Variants in LRRTM3 observed in about 807,000 individuals in gnomAD.
LRRTM3 encodes the protein leucine rich repeat transmembrane neuronal 3, also known as leucine-rich repeat transmembrane neuronal protein 3.
In LRRTM3, 24 loss-of-function variants were observed where a neutral mutation model predicts 44.7. The observed-to-expected ratio is 0.54, with a 90% CI of 0.39 to 0.76. The LOEUF (loss-of-function observed/expected upper bound fraction) is 0.76. Ranked by LOEUF, LRRTM3 falls within the 30% of genes least tolerant of loss-of-function variation. The pLI is 0.00. For missense variants in LRRTM3, 587 were observed against 702.2 expected (o/e 0.84, Z 1.85); for synonymous variants, 277 against 278.7 (o/e 0.99, Z 0.06).
chr10:67,071,984 C>G (rs1158571869), intron 2 of LRRTM3, among the ~76,000 whole-genome samples: 1 of 152,144 alleles, frequency 6.6e-6, no homozygotes, highest in Admixed American at 6.6e-5. Flanking sequence ...GACACAGTCT[C>G]ATTCTGTTGC....
intron 2 of LRRTM3, among the ~76,000 whole-genome samples, chr10:66,944,704 A>G (rs751177779): frequency 3.3e-5 from 5 of 152,238 alleles, no homozygotes; most frequent in Non-Finnish European, 7.3e-5. Context: ...AGACAGCAAG[A>G]GACTTATAAA....
chr10:67,060,666 G>GTCTC (rs141445121), intron 2 of LRRTM3, among the ~76,000 whole-genome samples: 4 of 150,408 alleles, frequency 2.7e-5, no homozygotes, highest in African/African-American at 7.3e-5. Flanking sequence ...ATGGGTTCCT[G>GTCTC]TCTCTCTCTC....
At position 67,090,828 on chromosome 10, in the gene LRRTM3, T is replaced by G. The variant is rs553684293; in HGVS notation, c.1537-6759T>G. 6.6e-5 allele frequency among the ~76,000 whole-genome samples: 10 copies of G among 152,036 alleles called. No homozygotes were observed. In the South Asian group the frequency reaches 2.1e-3, roughly 32 times the overall value. On this transcript the variant is annotated intron_variant, in intron 2 of 2. Transcript: ENST00000361320. ...TGCAGAAATCCTAAAGAAACTAAGG[T>G]AGAACCTGCGGTAACATCTAGGCCG...
chr10:67,053,799 A>T (rs1855262739), intron 2 of LRRTM3, among the ~76,000 whole-genome samples: 1 of 152,206 alleles, frequency 6.6e-6, no homozygotes, highest in Admixed American at 6.5e-5. Flanking sequence ...TCATTTTCCC[A>T]TTGAGATTAA....
chr10:66,953,862 C>A (rs74423589), intron 2 of LRRTM3, among the ~76,000 whole-genome samples: 2,895 of 152,164 alleles, frequency 0.019, 83 homozygotes, highest in African/African-American at 0.066. Flanking sequence ...ACCAGAAGAG[C>A]TATGTGACCT....
rs1009652150 is a variant in LRRTM3 at position 67,100,991 on chromosome 10, A to G, written c.*3195A>G. On this transcript the variant is annotated 3_prime_UTR_variant, in exon 3 of 3. Transcript: ENST00000361320. ...TCTATATATATTTGACATGTTGTTT[A>G]GTAATCCCTATTTTAATTCAATTCT... 6.6e-6 allele frequency among the ~76,000 whole-genome samples: 1 copy of G among 151,766 alleles called. No individual in the cohort carries two copies. The highest frequency in any genetic ancestry group is 1.5e-5 in the Non-Finnish European group (1 of 67,804).
At chr10:67,021,330 G>GT (rs1225390051) in intron 2 of LRRTM3, among the ~76,000 whole-genome samples, 1 of 152,042 alleles carries the variant, frequency 6.6e-6, no homozygotes, top group Non-Finnish European at 1.5e-5. Context: ...AGGTTAAAAT[G>GT]TAAGAAGCAC....
intron 2 of LRRTM3, among the ~76,000 whole-genome samples, chr10:66,929,280 C>A (rs1847239957): frequency 6.6e-6 from 1 of 152,204 alleles, no homozygotes; most frequent in South Asian, 2.1e-4. Context: ...CTCCACCACA[C>A]CTCACATTAG....
intron 2 of LRRTM3, among the ~76,000 whole-genome samples, chr10:67,038,766 G>T (rs374373168): frequency 6.6e-6 from 1 of 151,882 alleles, no homozygotes; most frequent in Non-Finnish European, 1.5e-5. Flanking sequence ...TTCAATATGA[G>T]ATATTTTTTA....
intron 2 of LRRTM3, among the ~76,000 whole-genome samples, chr10:67,052,996 G>A (rs1855206099): frequency 6.6e-6 from 1 of 152,104 alleles, no homozygotes; most frequent in Non-Finnish European, 1.5e-5. Flanking sequence ...ATGTGTTTCA[G>A]TTGTAAAGAA....
chr10:66,936,850 C>T (rs144948123), intron 2 of LRRTM3, among the ~76,000 whole-genome samples: 63 of 152,236 alleles, frequency 4.1e-4, no homozygotes, highest in African/African-American at 1.5e-3. Context: ...CTTCCAAGGG[C>T]ACTCACCTTT....
intron 2 of LRRTM3, among the ~76,000 whole-genome samples, chr10:67,016,501 T>A (rs1472123822): frequency 6.6e-6 from 1 of 152,164 alleles, no homozygotes; most frequent in Admixed American, 6.5e-5. Context: ...TGGTAGAGAA[T>A]AGAACGAGGT....
chr10:66,955,738 G>T (rs1161728594), intron 2 of LRRTM3, among the ~76,000 whole-genome samples: 2 of 152,082 alleles, frequency 1.3e-5, no homozygotes, highest in African/African-American at 2.4e-5. Flanking sequence ...TTCCTCTTCT[G>T]TAATTTGAAA....
intron 2 of LRRTM3, among the ~76,000 whole-genome samples, chr10:67,038,379 A>G (rs1418654141): frequency 6.6e-6 from 1 of 152,108 alleles, no homozygotes; most frequent in Non-Finnish European, 1.5e-5. Flanking sequence ...ATCATTTATG[A>G]GGAAAGAAAT....
Position 66,926,995 on chromosome 10 carries a change from C to A in LRRTM3, c.79C>A (p.Leu27Ile). The A allele has an allele frequency of 6.2e-7, 1 of 1,614,078 alleles. No individual in the cohort carries two copies. Among genetic ancestry groups the A allele is most frequent in the South Asian group, 1.1e-5 (1 of 91,076 alleles). Residue 27 changes from leucine (L) to isoleucine (I), a missense_variant, in exon 2 of 3, where the codon CTT (leucine) becomes ATT (isoleucine). Leu to Ile is a conservative substitution (Grantham distance 5, BLOSUM62 2). Transcript: ENST00000361320. The stretch of plus-strand genomic sequence containing the variant: ...AGCCCCCACTGTCTTACTGACAATG[C>A]TTTCTTCTGCCGAACGAGGATGCCC... ...VIAPTVLLTM[L>I]SSAERGCPKG...
At position 67,098,807 on chromosome 10, in the gene LRRTM3, A is replaced by G. The variant is rs1858163528; in HGVS notation, c.*1011A>G. The G allele has an allele frequency of 6.6e-6, 1 of 151,906 alleles. No individual in the cohort carries two copies. The highest frequency in any genetic ancestry group is 2.4e-5 in the African/African-American group (1 of 41,400). 9.4% of individuals were successfully genotyped at this position (151,906 alleles called of 1,614,324 possible). A position where few individuals can be genotyped will look rare whatever the true frequency, so the allele number is the denominator to read the frequency against. On this transcript the variant is annotated 3_prime_UTR_variant, in exon 3 of 3. Transcript: ENST00000361320. ...TAATAATTGTACAGTAGCAATTTTTATCCTAATTAACCCATAGCGGTTTAC... is the reference window on the plus strand; with the variant it reads ...TAATAATTGTACAGTAGCAATTTTTGTCCTAATTAACCCATAGCGGTTTAC...
intron 2 of LRRTM3, among the ~76,000 whole-genome samples, chr10:66,964,219 A>G (rs1049589141): frequency 3.9e-5 from 6 of 152,060 alleles, no homozygotes; most frequent in African/African-American, 1.2e-4. Flanking sequence ...ATTCAGCACA[A>G]CATTCTTCTC....
chr10:67,086,374 T>A (rs1857308864), intron 2 of LRRTM3, among the ~76,000 whole-genome samples: 1 of 152,000 alleles, frequency 6.6e-6, no homozygotes, highest in South Asian at 2.1e-4. Flanking sequence ...AGTTGGGAGA[T>A]AATCTCAACC....
chr10:67,084,452 A>AAT, intron 2 of LRRTM3, among the ~76,000 whole-genome samples: 1 of 151,908 alleles, frequency 6.6e-6, no homozygotes, highest in Admixed American at 6.6e-5. Flanking sequence ...CAAATATTAA[A>AAT]ATATATATTA....
Sources: gnomAD v4.1 joint callset for allele counts (sites outside exome capture counted in the v4.1 genomes callset) on GRCh38, gnomAD v4.1.1 for gene constraint, MANE v1.5 for transcripts, NCBI Gene and HGNC (gene_info 2026-07-23, HGNC 2026-07-21) for gene names.